The following GABRB3 variants were observed in gnomAD, a reference collection of about 807,000 sequenced individuals.
GABRB3 encodes the protein gamma-aminobutyric acid type A receptor subunit beta3.
GABRB3 carries 14 observed loss-of-function variants against 52.1 expected under a neutral mutation model. That is an observed-to-expected ratio of 0.27 (90% CI 0.18 to 0.42). The LOEUF is 0.42. Ranked by LOEUF, GABRB3 falls within the 10% of genes least tolerant of loss-of-function variation. GABRB3 has a pLI of 1.00. For synonymous variants in GABRB3, 260 were observed against 232.3 expected, an observed-to-expected ratio of 1.12 and a Z score of -1.08; for missense variants, 307 against 609.1, an observed-to-expected ratio of 0.50 and a Z score of 5.22.
At chr15:26,548,275 T>G in intron 8 of GABRB3, 141 bp from the exon 9 acceptor site, 2 of 751,502 alleles carry the variant, frequency 2.7e-6, no homozygotes, top group Non-Finnish European at 4.7e-6. Flanking sequence ...GCACTCCGTT[T>G]TATTGGAAAA....
chr15:26,663,547 G>A (rs923413336), intron 3 of GABRB3, among the ~76,000 whole-genome samples: 3 of 152,108 alleles, frequency 2.0e-5, no homozygotes, highest in Non-Finnish European at 2.9e-5. Flanking sequence ...GTTAGTGCCT[G>A]CATAATACAT....
chr15:26,556,363 C>T (rs1889751759), intron 8 of GABRB3, among the ~76,000 whole-genome samples: 4 of 152,100 alleles, frequency 2.6e-5, no homozygotes, highest in Admixed American at 1.3e-4. Flanking sequence ...AAAATACTGT[C>T]GTTTTAGAAG....
intron 4 of GABRB3, among the ~76,000 whole-genome samples, chr15:26,607,306 CTGATA>C (rs1891873904): frequency 6.6e-6 from 1 of 152,138 alleles, no homozygotes; most frequent in African/African-American, 2.4e-5. Flanking sequence ...CACCAAAGAA[CTGATA>C]TAACTAATTT....
intron 3 of GABRB3, among the ~76,000 whole-genome samples, chr15:26,746,591 T>A (rs1016965996): frequency 6.6e-6 from 1 of 151,894 alleles, no homozygotes; most frequent in African/African-American, 2.4e-5. Flanking sequence ...TGTTTTTTTT[T>A]TTTTTTGGAG....
chr15:26,760,512 G>A (rs928801288), intron 3 of GABRB3, among the ~76,000 whole-genome samples: 1 of 152,124 alleles, frequency 6.6e-6, no homozygotes, highest in African/African-American at 2.4e-5. Context: ...GGAGGAAATT[G>A]CCTAGATAAT....
At chr15:26,554,176 G>GAATATATA (rs71420007) in intron 8 of GABRB3, among the ~76,000 whole-genome samples, 1 of 27,334 alleles carries the variant, frequency 3.7e-5, no homozygotes, top group Non-Finnish European at 7.4e-5. Context: ...TATATATAAA[G>GAATATATA]TATATATATA....
chr15:26,609,663 T>TA (rs1314398731), intron 4 of GABRB3, among the ~76,000 whole-genome samples: 1 of 152,160 alleles, frequency 6.6e-6, no homozygotes, highest in Non-Finnish European at 1.5e-5. Flanking sequence ...ATATTATTTT[T>TA]AAAAAATCTG....
At chr15:26,754,925 G>GTTA (rs1201159348) in intron 3 of GABRB3, among the ~76,000 whole-genome samples, 1 of 151,948 alleles carries the variant, frequency 6.6e-6, no homozygotes, top group Admixed American at 6.6e-5. Flanking sequence ...ATAAAACACA[G>GTTA]GATTAAACGG....
rs368009273 is a variant in GABRB3 at position 26,675,020 on chromosome 15, G to A, written c.241-53486C>T. Among the ~76,000 whole-genome samples, 18 of 152,214 alleles carry A rather than the reference G, an allele frequency of 1.2e-4. No individual in the cohort carries two copies. The East Asian group carries it at 1.7e-3, about 15-fold the overall frequency. ...GCCTTCCTTCTCCCTGAGAAGGTAG[G>A]ATCAAACTGATCAAGCTAGTGGGCC... On this transcript the variant is annotated intron_variant, in intron 3 of 8. Transcript: ENST00000311550.
chr15:26,624,658 C>A (rs1394555768), intron 3 of GABRB3: 2 of 985,374 alleles, frequency 2.0e-6, no homozygotes, highest in East Asian at 2.3e-4. Flanking sequence ...AGGGAAAAAA[C>A]AGTATGAAAA....
At chr15:26,772,597 C>G in intron 2 of GABRB3, 84 bp downstream of exon 2, 1 of 1,431,954 alleles carries the variant, frequency 7.0e-7, no homozygotes, top group Non-Finnish European at 9.4e-7. Flanking sequence ...CGCTGCTCCG[C>G]GGATGCGGCC....
At position 26,621,477 on chromosome 15, in the gene GABRB3, A is replaced by T. The variant is rs1257480466; in HGVS notation, c.298T>A (p.Ser100Thr). The T allele has an allele frequency of 2.5e-6, 4 of 1,614,190 alleles. No individual in the cohort carries two copies. The highest frequency in any genetic ancestry group is 2.5e-6 in the Non-Finnish European group (3 of 1,180,016). The change falls in exon 4 of 9, where the codon TCT (serine) becomes ACT (threonine). Residue 100 changes from serine to threonine, a missense_variant. This residue lies in a region of GABRB3 where 31 missense variants were observed against 71.2 expected (regional missense o/e 0.44). Transcript: ENST00000311550. The surrounding 1 kb of genome is among the most constrained non-coding windows in gnomAD (Gnocchi z 4.1). ...AGCGTGAGGTTGAGAGGGATCCCAGAATAGGCGAGCCTTTTATCTCTCCAA... is the reference window on the plus strand; with the variant it reads ...AGCGTGAGGTTGAGAGGGATCCCAGTATAGGCGAGCCTTTTATCTCTCCAA... Reference protein sequence around the residue: ...QYWRDKRLAYSGIPLNLTLDN... With the variant: ...QYWRDKRLAYTGIPLNLTLDN...
intron 3 of GABRB3, among the ~76,000 whole-genome samples, chr15:26,651,568 T>C (rs771871635): frequency 2.0e-5 from 3 of 152,208 alleles, no homozygotes; most frequent in African/African-American, 4.8e-5. Flanking sequence ...GCTAAGATAA[T>C]GCTAAGAAGA....
upstream of GABRB3, chr15:26,773,703 G>C (rs771643739): frequency 5.7e-6 from 9 of 1,573,072 alleles, no homozygotes; most frequent in Middle Eastern, 1.7e-4. Context: ...GGCAGCAGGA[G>C]CTCCAGGAGC....
At chr15:26,698,954 C>A (rs1888836253) in intron 3 of GABRB3, among the ~76,000 whole-genome samples, 2 of 151,998 alleles carry the variant, frequency 1.3e-5, no homozygotes, top group South Asian at 4.2e-4. Flanking sequence ...CATAATTGCC[C>A]ATTTTAGATT....
chr15:26,563,001 T>A (rs565882054), intron 7 of GABRB3, among the ~76,000 whole-genome samples: 1 of 152,350 alleles, frequency 6.6e-6, no homozygotes, highest in African/African-American at 2.4e-5. Flanking sequence ...TACAAATAAA[T>A]GTGAAAACAC....
chr15:26,604,953 A>C (rs957444863), intron 4 of GABRB3, among the ~76,000 whole-genome samples: 3 of 152,198 alleles, frequency 2.0e-5, no homozygotes, highest in African/African-American at 4.8e-5. Flanking sequence ...TGCACAGCAA[A>C]GGAAACAATC....
At chr15:26,554,207 A>ATATATT (rs1348288306) in intron 8 of GABRB3, among the ~76,000 whole-genome samples, 1 of 57,808 alleles carries the variant, frequency 1.7e-5, no homozygotes, top group African/African-American at 4.7e-5. Context: ...ATATATATAT[A>ATATATT]TAGTAGAAAC....
intron 6 of GABRB3, among the ~76,000 whole-genome samples, chr15:26,574,008 G>A (rs1340612253): frequency 6.6e-6 from 1 of 152,166 alleles, no homozygotes; most frequent in African/African-American, 2.4e-5. Flanking sequence ...CCAAGATTGT[G>A]CCACTGCACT....
Sources: gnomAD v4.1 joint callset for allele counts (sites outside exome capture counted in the v4.1 genomes callset) on GRCh38, gnomAD v4.1.1 for gene constraint, gnomAD v4.1.1 regional missense constraint, Gnocchi (gnomAD v3.1) non-coding constraint, MANE v1.5 for transcripts, NCBI Gene and HGNC (gene_info 2026-07-23, HGNC 2026-07-21) for gene names.